Variants in RAET1E observed in about 807,000 individuals in gnomAD.
RAET1E encodes NKG2D ligand 4.
In RAET1E, 27 loss-of-function variants were observed where a neutral mutation model predicts 21.1. The observed-to-expected ratio is 1.28, with a 90% CI of 0.94 to 1.76. The LOEUF is 1.76. Among genes scored for constraint, RAET1E ranks in the 40% most tolerant of loss-of-function variants. RAET1E has a pLI of 0.00. For synonymous variants in RAET1E, 113 were observed against 115.0 expected (o/e 0.98, Z 0.11); for missense variants, 310 against 311.3 (o/e 1.00, Z 0.03).
intron 2 of RAET1E, among the ~76,000 whole-genome samples, chr6:149,891,308 A>AC (rs2115512700): frequency 6.7e-6 from 1 of 150,106 alleles, no homozygotes; most frequent in South Asian, 2.1e-4. Context: ...TCTTCCTGGT[A>AC]CCCCCTGCCC....
intron 5 of RAET1E, chr6:149,889,034 A>C: frequency 3.8e-5 from 46 of 1,202,172 alleles, no homozygotes; most frequent in Non-Finnish European, 4.3e-5. Context: ...GTGGAAGGGT[A>C]ATTATAATAG....
intron 3 of RAET1E, among the ~76,000 whole-genome samples, 184 bp from the exon 4 acceptor site, chr6:149,890,329 C>A (rs1198307567): frequency 6.6e-6 from 1 of 152,088 alleles, no homozygotes; most frequent in Non-Finnish European, 1.5e-5. Flanking sequence ...GGATGAGATA[C>A]TTGATGGTAC....
chr6:149,890,235 G>T, intron 3 of RAET1E, 90 bp from the exon 4 acceptor site: 1 of 1,448,264 alleles, frequency 6.9e-7, no homozygotes, highest in Non-Finnish European at 9.5e-7. Flanking sequence ...CCTGGACTGG[G>T]CCAGGCTAGC....
chr6:149,890,281 C>T, intron 3 of RAET1E, 136 bp from the exon 4 acceptor site: 1 of 848,228 alleles, frequency 1.2e-6, no homozygotes. Context: ...CTCCCTCAAC[C>T]TTCTGGATCC....
intron 2 of RAET1E, among the ~76,000 whole-genome samples, chr6:149,893,375 CT>C (rs758876173): frequency 2.0e-5 from 3 of 152,234 alleles, no homozygotes; most frequent in Non-Finnish European, 4.4e-5. Context: ...CTCTTATTTC[CT>C]TGAGCAGTGG....
At chr6:149,892,140 C>T (rs879272384) in intron 2 of RAET1E, among the ~76,000 whole-genome samples, 1 of 152,096 alleles carries the variant, frequency 6.6e-6, no homozygotes, top group Non-Finnish European at 1.5e-5. Flanking sequence ...ACAAGTTTTG[C>T]TATTGTGAAT....
intron 5 of RAET1E, chr6:149,888,967 G>T: frequency 1.2e-6 from 1 of 809,792 alleles, no homozygotes; most frequent in Non-Finnish European, 1.8e-6. Flanking sequence ...AATGGGTGGT[G>T]CTTAATTCTG....
rs1777569556 is a variant in RAET1E at position 149,885,492 on chromosome 6, G to A, written c.*3006C>T. 1 of 152,178 alleles carries A rather than the reference G, an allele frequency of 6.6e-6. No homozygotes were observed. Among genetic ancestry groups the A allele is most frequent in the Non-Finnish European group, 1.5e-5 (1 of 68,046 alleles). The allele number at this position is 152,178 out of a possible 1,614,324, so 9.4% of individuals were successfully genotyped here. A position where few individuals can be genotyped will look rare whatever the true frequency, so the allele number is the denominator to read the frequency against. On this transcript the variant is annotated 3_prime_UTR_variant, in exon 6 of 6. Coordinates refer to ENST00000357183, the MANE Select transcript of RAET1E (RefSeq NM_001394057.1). ...TTGGCAGGGGTCTTGGGGAGACTTA[G>A]CAACCTCATTTCTCCCTGTCCTCAT... is the stretch of plus-strand genomic sequence containing the variant.
intron 5 of RAET1E, 73 bp downstream of exon 5, chr6:149,889,275 C>T: frequency 6.3e-7 from 1 of 1,577,556 alleles, no homozygotes; most frequent in Non-Finnish European, 8.6e-7. Context: ...CGCACACACA[C>T]ACTGACACCC....
chr6:149,894,422 T>C (rs1010699363), intron 2 of RAET1E, among the ~76,000 whole-genome samples: 3 of 152,214 alleles, frequency 2.0e-5, no homozygotes, highest in African/African-American at 7.2e-5. Context: ...CAATCAAATG[T>C]AGATTTGGTC....
intron 2 of RAET1E, among the ~76,000 whole-genome samples, chr6:149,891,371 C>T (rs142855963): frequency 1.1e-3 from 174 of 152,224 alleles, no homozygotes; most frequent in African/African-American, 4.0e-3. Flanking sequence ...GTCCCTAACC[C>T]GTTCAAACTC....
rs1176077691 is a variant in RAET1E at position 149,894,474 on chromosome 6, CT to C, written c.-134+1371del. ...CATTTCTTGGAGGCTTTGTTCATTC[CT>C]TTTTATTCTTTTTTCTCTAATCTTG... On this transcript the variant is annotated intron_variant, in intron 2 of 5. Coordinates refer to ENST00000357183, the MANE Select transcript of RAET1E (RefSeq NM_001394057.1). Among the ~76,000 whole-genome samples, 3 of 152,038 alleles carry C rather than the reference CT, an allele frequency of 2.0e-5. No homozygotes were observed. In the East Asian group the frequency reaches 5.8e-4, roughly 29 times the overall value.
At chr6:149,894,002 G>A (rs1398431288) in intron 2 of RAET1E, among the ~76,000 whole-genome samples, 4 of 152,148 alleles carry the variant, frequency 2.6e-5, no homozygotes, top group Admixed American at 1.3e-4. Flanking sequence ...GATGGATTAC[G>A]TTTATTGACT....
intron 2 of RAET1E, chr6:149,895,540 A>C (rs1778083008): frequency 6.6e-6 from 1 of 152,234 alleles, no homozygotes; most frequent in Non-Finnish European, 1.5e-5. Context: ...GTCCTTCCAG[A>C]TGAGTTTTGT....
In RAET1E at chr6:149,888,557, A is replaced by G; in HGVS notation, c.733T>C (p.Cys245Arg). ...CACTCACCATTTTGCCACCAGACAC[A>G]GATGAGAACAATTCCCATTAAAACT... ...LLVLMGIVLI[C>R]VWWQNGEWQA... Residue 245 changes from cysteine (C) to arginine (R), a missense_variant, in exon 6 of 6, where the codon TGT (cysteine) becomes CGT (arginine). By Grantham distance (180) the Cys-to-Arg change is radical (BLOSUM62 -3). Coordinates refer to ENST00000357183, the MANE Select transcript of RAET1E (RefSeq NM_001394057.1). 5 of 1,613,984 alleles carry G rather than the reference A, an allele frequency of 3.1e-6. No homozygotes were observed. Among genetic ancestry groups the G allele is most frequent in the Non-Finnish European group, 4.2e-6 (5 of 1,179,986 alleles).
chr6:149,888,668 CT>C lies in RAET1E; in HGVS notation c.623-2del, dbSNP rs774246668. The C allele has an allele frequency of 7.6e-5, 92 of 1,213,106 alleles. No homozygotes were observed. Among genetic ancestry groups the C allele is most frequent in the Middle Eastern group, 4.7e-4 (2 of 4,248 alleles). 75.1% of individuals were successfully genotyped at this position (1,213,106 alleles called of 1,614,324 possible). On this transcript the variant is annotated splice_acceptor_variant, in intron 5 of 5. Coordinates refer to ENST00000357183, the MANE Select transcript of RAET1E (RefSeq NM_001394057.1). LOFTEE classifies it high-confidence loss of function. ...ATATCTGAAGCATTTACTGGTGACA[CT>C]AAAAAAAAAAAAAAAAAGAAAAAAA...
At position 149,888,448 on chromosome 6, in the gene RAET1E, C is replaced by T. The variant is rs368684566; in HGVS notation, c.*50G>A. The T allele has an allele frequency of 2.8e-4, 443 of 1,592,322 alleles. No homozygotes were observed. The highest frequency in any genetic ancestry group is 3.6e-4 in the Non-Finnish European group (422 of 1,167,494). The stretch of plus-strand genomic sequence containing the variant: ...CTGTGGAGAGAGATGGATCAGGGAG[C>T]GGGGGCTTGGATGAGACCCATGATT... On this transcript the variant is annotated 3_prime_UTR_variant, in exon 6 of 6. Coordinates refer to ENST00000357183, the MANE Select transcript of RAET1E (RefSeq NM_001394057.1).
chr6:149,888,769 C>T, intron 5 of RAET1E, 102 bp from the exon 6 acceptor site: 2 of 1,447,762 alleles, frequency 1.4e-6, no homozygotes, highest in Non-Finnish European at 1.8e-6. Flanking sequence ...CCCAGGAACA[C>T]ATGGTGCCCC....
Position 149,883,502 on chromosome 6 carries a change from G to A in RAET1E, c.*4996C>T, listed in dbSNP as rs1316556341. The A allele has an allele frequency of 6.6e-6, 1 of 152,106 alleles. No homozygotes were observed. The highest frequency in any genetic ancestry group is 1.5e-5 in the Non-Finnish European group (1 of 68,052). The allele number at this position is 152,106 out of a possible 1,614,324, so 9.4% of individuals were successfully genotyped here. A position where few individuals can be genotyped will look rare whatever the true frequency, so the allele number is the denominator to read the frequency against. ...ACCTGAGGTCCGTAGTTCGAGACCA[G>A]CCTGGCCAACAGGGTGAAACCCCGT... On this transcript the variant is annotated 3_prime_UTR_variant, in exon 6 of 6. Coordinates refer to ENST00000357183, the MANE Select transcript of RAET1E (RefSeq NM_001394057.1).
Sources: allele counts gnomAD v4.1 joint callset (sites outside exome capture counted in the v4.1 genomes callset), GRCh38; gene constraint gnomAD v4.1.1; transcripts MANE v1.5; gene names NCBI Gene and HGNC (gene_info 2026-07-23, HGNC 2026-07-21).